Variants in MAOA observed in about 807,000 individuals in gnomAD.
MAOA encodes monoamine oxidase A, also known as amine oxidase [flavin-containing] A.
A neutral mutation model predicts 42.0 loss-of-function variants in MAOA; 6 were observed. That is an observed-to-expected ratio of 0.14 (90% CI 0.08 to 0.28). The LOEUF (loss-of-function observed/expected upper bound fraction) is 0.28. MAOA is among the 10% of genes least tolerant of loss of function. The pLI, the probability that MAOA is intolerant of heterozygous loss-of-function variation, is 1.00. For missense variants in MAOA, 262 were observed against 422.3 expected (o/e 0.62, Z 3.33); for synonymous variants, 140 against 154.0 (o/e 0.91, Z 0.67).
At chrX:43,733,811 C>T in intron 9 of MAOA, among the ~76,000 whole-genome samples, 1 of 111,741 alleles carries the variant, frequency 8.9e-6, no homozygotes, top group Non-Finnish European at 1.9e-5. Flanking sequence ...CTGCTGGTTA[C>T]TAATGAGACA....
In MAOA at chrX:43,736,918, T is replaced by A. The variant is rs190231758; in HGVS notation, c.1106+638T>A. ...TGGCTGTTGGAGGGTTGCCTCTGGG[T>A]AGCCCTAAATCCTCTGCTAGCTTTT... On this transcript the variant is annotated intron_variant, in intron 10 of 14. Transcript: ENST00000338702. 5.0e-3 allele frequency among the ~76,000 whole-genome samples: 552 copies of A among 111,503 alleles called. 4 individuals are homozygous for A. The highest frequency in any genetic ancestry group is 9.3e-3 in the Non-Finnish European group (492 of 53,038).
At chrX:43,667,004 G>A (rs138868243) in intron 1 of MAOA, among the ~76,000 whole-genome samples, 33 of 34,518 alleles carry the variant, frequency 9.6e-4, no homozygotes, top group Non-Finnish European at 1.7e-3. Context: ...GGGGTGGGGG[G>A]CGGGGGGGAT....
rs757863207 is a variant in MAOA, at chrX:43,656,463, G to A, written c.73+49G>A. On this transcript the variant is annotated intron_variant, in intron 1 of 14. Coordinates refer to ENST00000338702, the MANE Select transcript of MAOA (RefSeq NM_000240.4). ...CCTGGGGGACCCTGGCCAGTGAGGG[G>A]TAGGGGAACCTACAGTAGCTCTTGT... The A allele has an allele frequency of 2.8e-6, 3 of 1,081,558 alleles. No homozygotes were observed. The East Asian group carries it at 9.0e-5, about 33-fold the overall frequency. The allele number at this position is 1,081,558 out of a possible 1,213,427, so 89.1% of individuals were successfully genotyped here.
At chrX:43,656,097 G>A (rs187223433), upstream of MAOA, 421 of 424,450 alleles carry the variant, frequency 9.9e-4, 2 homozygotes, top group Middle Eastern at 3.9e-3. Flanking sequence ...TCAGTACAAG[G>A]GTCCGCCCCG....
At chrX:43,730,159 A>C (rs1195744822) in intron 6 of MAOA, among the ~76,000 whole-genome samples, 1 of 103,931 alleles carries the variant, frequency 9.6e-6, no homozygotes, top group Non-Finnish European at 2.0e-5. Flanking sequence ...GCGCCATTGC[A>C]TGCCAGCTTG....
rs1295349731 is a variant in MAOA at position 43,661,295 on chromosome X, G to A, written c.73+4881G>A. Among the ~76,000 whole-genome samples, 28 of 111,881 alleles carry A rather than the reference G, an allele frequency of 2.5e-4. No individual in the cohort carries two copies. In the Admixed American group the frequency reaches 2.7e-3, roughly 11 times the overall value. On this transcript the variant is annotated intron_variant, in intron 1 of 14. Transcript: ENST00000338702. Reference sequence around the variant, plus strand: ...CATAAGGTACTTCTATCTTCTGGAAGAAGTAATCAAGTGGGTGAATAATTG... The same window carrying A: ...CATAAGGTACTTCTATCTTCTGGAAAAAGTAATCAAGTGGGTGAATAATTG...
intron 1 of MAOA, among the ~76,000 whole-genome samples, chrX:43,669,228 G>A (rs2033308020): frequency 9.6e-6 from 1 of 104,012 alleles, no homozygotes; most frequent in Non-Finnish European, 2.0e-5. Context: ...GGCCAACATG[G>A]TAAAACCCCG....
intron 9 of MAOA, among the ~76,000 whole-genome samples, chrX:43,733,491 G>A (rs923085001): frequency 1.8e-5 from 2 of 111,799 alleles, no homozygotes; most frequent in Non-Finnish European, 3.8e-5. Context: ...GGGGAGTCCA[G>A]AGAAGGAAGT....
At chrX:43,710,755 T>C (rs1389946311) in intron 3 of MAOA, among the ~76,000 whole-genome samples, 1 of 111,973 alleles carries the variant, frequency 8.9e-6, no homozygotes, top group Non-Finnish European at 1.9e-5. Flanking sequence ...TGTTACACAA[T>C]GAAATGAAGT....
At chrX:43,741,290 GA>G (rs200282730) in intron 11 of MAOA, among the ~76,000 whole-genome samples, 48 of 106,386 alleles carry the variant, frequency 4.5e-4, no homozygotes, top group African/African-American at 1.3e-3. Context: ...ACGTCTTTTT[GA>G]AAAAAAAAAT....
chrX:43,677,574 A>G (rs781420732), intron 1 of MAOA, among the ~76,000 whole-genome samples: 6 of 111,483 alleles, frequency 5.4e-5, no homozygotes, highest in African/African-American at 2.0e-4. Context: ...CAAATTACTG[A>G]GGAGAGAGAA....
chrX:43,719,953 G>A (rs1307443384), intron 5 of MAOA, among the ~76,000 whole-genome samples: 2 of 109,621 alleles, frequency 1.8e-5, no homozygotes, highest in Non-Finnish European at 3.8e-5. Context: ...GGGGGACACA[G>A]GACCGGGGAT....
intron 1 of MAOA, among the ~76,000 whole-genome samples, chrX:43,659,230 T>C (rs190491059): frequency 1.8e-5 from 2 of 111,903 alleles, no homozygotes; most frequent in Admixed American, 9.5e-5. Context: ...ATAGACTATG[T>C]CTTACAACCA....
intron 1 of MAOA, among the ~76,000 whole-genome samples, chrX:43,672,595 C>T (rs962554608): frequency 9.0e-5 from 10 of 111,593 alleles, no homozygotes; most frequent in African/African-American, 3.3e-4. Flanking sequence ...ATAGATAGCT[C>T]TTATTATTTC....
At position 43,683,603 on chromosome X, in the gene MAOA, T is replaced by C. The variant is rs1162350391; in HGVS notation, c.164T>C (p.Ile55Thr). ...RDRVGGRTYT[I>T]RNEHVDYVDV... is the part of the protein sequence containing the mutation. The stretch of plus-strand genomic sequence containing the variant: ...AGGGTTGGAGGAAGAACATATACTA[T>C]AAGGGTAAGTGATTTTAATACTTAC... The change falls in exon 2 of 15, where the codon ATA (isoleucine) becomes ACA (threonine). Residue 55 changes from isoleucine to threonine, a missense_variant. Transcript: ENST00000338702. 1 of 1,182,402 alleles carries C rather than the reference T, an allele frequency of 8.5e-7. No individual in the cohort carries two copies. Among genetic ancestry groups the C allele is most frequent in the Non-Finnish European group, 1.2e-6 (1 of 869,218 alleles).
chrX:43,706,387 C>A (rs936567485), intron 3 of MAOA, among the ~76,000 whole-genome samples: 2 of 111,560 alleles, frequency 1.8e-5, no homozygotes, highest in Non-Finnish European at 3.8e-5. Context: ...ACACAAAAGC[C>A]GCCAGAAGAA....
In MAOA at chrX:43,728,785, CT is replaced by C. The variant is rs759192727; in HGVS notation, c.645+473del. On this transcript the variant is annotated intron_variant, in intron 6 of 14. Transcript: ENST00000338702. ...ATTCACGCAAGTGATTATGGCCACT[CT>C]TGCAATAGTAAATTCTGCCTTTTGG... Among the ~76,000 whole-genome samples, 850 of 112,794 alleles carry C rather than the reference CT, an allele frequency of 7.5e-3. 8 individuals are homozygous for C. Among genetic ancestry groups the C allele is most frequent in the Middle Eastern group, 0.037 (8 of 215 alleles).
intron 12 of MAOA, among the ~76,000 whole-genome samples, chrX:43,743,175 G>T (rs2033973379): frequency 9.0e-6 from 1 of 111,372 alleles, no homozygotes; most frequent in Non-Finnish European, 1.9e-5. Context: ...GGGGACAGCT[G>T]TCCATTCAGT....
intron 5 of MAOA, among the ~76,000 whole-genome samples, chrX:43,727,577 A>G (rs368585720): frequency 9.1e-4 from 103 of 112,932 alleles, no homozygotes; most frequent in African/African-American, 3.1e-3. Flanking sequence ...TTTCAAGCCA[A>G]TGGATATTAG....
Sources: gnomAD v4.1 joint callset for allele counts (sites outside exome capture counted in the v4.1 genomes callset) on GRCh38, gnomAD v4.1.1 for gene constraint, MANE v1.5 for transcripts, NCBI Gene and HGNC (gene_info 2026-07-23, HGNC 2026-07-21) for gene names.